ATP10B: variants seen among roughly 807,000 people sequenced by gnomAD.
The protein encoded by ATP10B is phospholipid-transporting ATPase VB.
In ATP10B, 122 loss-of-function variants were observed where a neutral mutation model predicts 141.2. The observed-to-expected ratio is 0.86, with a 90% CI of 0.75 to 1.00. ATP10B has a LOEUF of 1.00. Among genes scored for constraint, ATP10B ranks in the 50% least tolerant of loss-of-function variants. The probability of loss-of-function intolerance (pLI) is 0.00; values close to 1 mark genes in which losing one functional copy is unlikely to be tolerated. For synonymous variants in ATP10B, 685 were observed against 692.0 expected (o/e 0.99, Z 0.16); for missense variants, 1,876 against 1,825.3 (o/e 1.03, Z -0.51).
chr5:160,795,446 T>A (rs1771874341), intron 1 of ATP10B, among the ~76,000 whole-genome samples: 1 of 152,088 alleles, frequency 6.6e-6, no homozygotes, highest in Non-Finnish European at 1.5e-5. Context: ...GGCCCCTTTG[T>A]TTTCTAGCAC....
the ATP10B span, among the ~76,000 whole-genome samples, chr5:160,889,767 C>T: frequency 7.7e-4 from 117 of 152,288 alleles, no homozygotes; most frequent in South Asian, 0.019. Flanking sequence ...GAACCAAAAT[C>T]CTGAATAGGC....
chr5:160,624,879 T>C (rs1313200005), intron 13 of ATP10B, among the ~76,000 whole-genome samples: 1 of 152,188 alleles, frequency 6.6e-6, no homozygotes, highest in Non-Finnish European at 1.5e-5. Context: ...TATGTTCTCT[T>C]ATTAATATTT....
intron 21 of ATP10B, among the ~76,000 whole-genome samples, chr5:160,599,236 A>T (rs962311679): frequency 2.0e-5 from 3 of 152,208 alleles, no homozygotes; most frequent in African/African-American, 7.2e-5. Flanking sequence ...TTCACTTAAC[A>T]TTGCCAATAG....
chr5:160,764,944 A>G (rs1769298950), intron 2 of ATP10B, among the ~76,000 whole-genome samples: 1 of 152,112 alleles, frequency 6.6e-6, no homozygotes, highest in East Asian at 1.9e-4. Flanking sequence ...TAAATCAAGA[A>G]CTCAACCCCT....
chr5:160,927,640 G>A, the ATP10B span, among the ~76,000 whole-genome samples: 12 of 152,236 alleles, frequency 7.9e-5, no homozygotes, highest in East Asian at 7.7e-4. Flanking sequence ...TGTTCCCTTC[G>A]ATTACTCATT....
At chr5:160,828,494 A>G (rs1461671551) in intron 1 of ATP10B, among the ~76,000 whole-genome samples, 3 of 152,158 alleles carry the variant, frequency 2.0e-5, no homozygotes, top group African/African-American at 4.8e-5. Context: ...ATGCAAATCA[A>G]AACCACAATG....
At chr5:160,889,481 TTC>T in the ATP10B span, among the ~76,000 whole-genome samples, 2 of 152,222 alleles carry the variant, frequency 1.3e-5, no homozygotes, top group African/African-American at 2.4e-5. Context: ...GTCCTGCTGC[TTC>T]TCTCACTCCC....
At chr5:160,798,818 T>G (rs1471492127) in intron 1 of ATP10B, among the ~76,000 whole-genome samples, 1 of 146,990 alleles carries the variant, frequency 6.8e-6, no homozygotes, top group Non-Finnish European at 1.5e-5. Flanking sequence ...TGGTATGATC[T>G]CAGCTCACTG....
At chr5:160,927,616 G>T in the ATP10B span, among the ~76,000 whole-genome samples, 1 of 152,174 alleles carries the variant, frequency 6.6e-6, no homozygotes, top group African/African-American at 2.4e-5. Context: ...TAAACTGGTG[G>T]TCATGATATC....
At chr5:160,870,080 A>G in the ATP10B span, among the ~76,000 whole-genome samples, 1 of 152,168 alleles carries the variant, frequency 6.6e-6, no homozygotes, top group Non-Finnish European at 1.5e-5. Context: ...AGGGGAAAGA[A>G]AATACCCAAC....
At chr5:160,789,917 C>T (rs970027919) in intron 1 of ATP10B, among the ~76,000 whole-genome samples, 2 of 152,160 alleles carry the variant, frequency 1.3e-5, no homozygotes, top group African/African-American at 4.8e-5. Context: ...TTCATTCATG[C>T]AAATACTGTA....
chr5:160,574,656 A>T (rs1755078500), intron 24 of ATP10B, among the ~76,000 whole-genome samples: 1 of 152,198 alleles, frequency 6.6e-6, no homozygotes, highest in Non-Finnish European at 1.5e-5. Flanking sequence ...TGATTAAGTC[A>T]TGAAAGATCT....
intron 3 of ATP10B, among the ~76,000 whole-genome samples, chr5:160,706,729 G>C (rs1486486396): frequency 6.6e-6 from 1 of 152,112 alleles, no homozygotes; most frequent in Non-Finnish European, 1.5e-5. Context: ...AAGATACATT[G>C]GTCAAAAACT....
At chr5:160,575,714 C>T (rs11953406) in intron 24 of ATP10B, among the ~76,000 whole-genome samples, 3 of 150,992 alleles carry the variant, frequency 2.0e-5, no homozygotes, top group African/African-American at 7.4e-5. Context: ...TAAAAAAAAA[C>T]CCCTAAATAG....
At chr5:160,852,787 T>A (rs1561925783), upstream of ATP10B, among the ~76,000 whole-genome samples, 1 of 152,136 alleles carries the variant, frequency 6.6e-6, no homozygotes, top group Non-Finnish European at 1.5e-5. Flanking sequence ...TTAAGTTACC[T>A]ACAACTCAAC....
At chr5:160,776,576 A>T (rs911957180) in intron 2 of ATP10B, among the ~76,000 whole-genome samples, 3 of 152,218 alleles carry the variant, frequency 2.0e-5, no homozygotes, top group African/African-American at 7.2e-5. Flanking sequence ...CTACTGAGTG[A>T]TGGAGATGAG....
chr5:160,898,288 A>G, the ATP10B span, among the ~76,000 whole-genome samples: 1 of 151,928 alleles, frequency 6.6e-6, no homozygotes, highest in African/African-American at 2.4e-5. Context: ...TACAAGAAAC[A>G]AACAAATTTA....
At chr5:160,597,175 T>C (rs1039054290) in intron 22 of ATP10B, among the ~76,000 whole-genome samples, 1 of 152,224 alleles carries the variant, frequency 6.6e-6, no homozygotes, top group African/African-American at 2.4e-5. Flanking sequence ...CAAAACAGCA[T>C]GGTACTGGTA....
chr5:160,592,055 G>A (rs1230860057), intron 22 of ATP10B, among the ~76,000 whole-genome samples: 1 of 152,182 alleles, frequency 6.6e-6, no homozygotes, highest in Non-Finnish European at 1.5e-5. Flanking sequence ...CTGGTGCTGG[G>A]AGTGCATGCT....
Sources: gnomAD v4.1 joint callset for allele counts (sites outside exome capture counted in the v4.1 genomes callset) on GRCh38, gnomAD v4.1.1 for gene constraint, MANE v1.5 for transcripts, NCBI Gene and HGNC (gene_info 2026-07-23, HGNC 2026-07-21) for gene names.